OSMR: variants seen among roughly 807,000 people sequenced by gnomAD.
OSMR encodes the protein oncostatin M receptor, also known as oncostatin-M-specific receptor subunit beta.
A neutral mutation model predicts 99.9 loss-of-function variants in OSMR; 81 were observed. The observed-to-expected ratio is 0.81, with a 90% CI of 0.68 to 0.97. OSMR has a LOEUF of 0.97. Ranked by LOEUF, OSMR falls within the 50% of genes least tolerant of loss-of-function variation. The pLI, the probability that OSMR is intolerant of heterozygous loss-of-function variation, is 0.00. For synonymous variants in OSMR, 406 were observed against 410.4 expected, an observed-to-expected ratio of 0.99 and a Z score of 0.13; for missense variants, 1,099 against 1,153.4, an observed-to-expected ratio of 0.95 and a Z score of 0.68.
chr5:38,879,093 C>T (rs1259413028), intron 3 of OSMR, among the ~76,000 whole-genome samples: 1 of 152,190 alleles, frequency 6.6e-6, no homozygotes, highest in East Asian at 1.9e-4. Flanking sequence ...CGGGTTAGGC[C>T]TCACCTTCTC....
intron 1 of OSMR, chr5:38,942,479 T>C (rs546174640): frequency 1.4e-4 from 77 of 542,226 alleles, no homozygotes; most frequent in Non-Finnish European, 2.2e-4. Flanking sequence ...AGATAGGGTC[T>C]TGCTCAGTCT....
At chr5:38,875,590 A>C (rs1388835330) in intron 2 of OSMR, among the ~76,000 whole-genome samples, 1 of 152,212 alleles carries the variant, frequency 6.6e-6, no homozygotes, top group Non-Finnish European at 1.5e-5. Context: ...ATTTCATATG[A>C]GTTCATCATG....
intron 2 of OSMR, among the ~76,000 whole-genome samples, chr5:38,872,438 C>A (rs931990884): frequency 6.6e-6 from 1 of 152,154 alleles, no homozygotes; most frequent in African/African-American, 2.4e-5. Context: ...TGAGTCTCAA[C>A]CTTGTTTCAC....
intron 9 of OSMR, among the ~76,000 whole-genome samples, chr5:38,911,591 C>T (rs1041796374): frequency 6.6e-6 from 1 of 152,200 alleles, no homozygotes; most frequent in Non-Finnish European, 1.5e-5. Flanking sequence ...ACACTAAAAC[C>T]TGTCAGAGAC....
chr5:38,887,564 T>A lies in OSMR; in HGVS notation c.991+1374T>A, dbSNP rs1417657115. Among the ~76,000 whole-genome samples, 3 of 152,228 alleles carry A rather than the reference T, an allele frequency of 2.0e-5. No homozygotes were observed. In the East Asian group the frequency reaches 5.8e-4, roughly 29 times the overall value. ...TTCCACTGGTTGGTCTGTTTATTCC[T>A]GCACTAGTATTACACTAACTTTTAA... On this transcript the variant is annotated intron_variant, in intron 7 of 17. Transcript: ENST00000274276.
chr5:38,933,089 A>G lies in OSMR; in HGVS notation c.2585A>G (p.Asn862Ser). 6.2e-7 allele frequency: 1 copy of G among 1,614,168 alleles called. No individual in the cohort carries two copies. Among genetic ancestry groups the G allele is most frequent in the Non-Finnish European group, 8.5e-7 (1 of 1,180,024 alleles). Residue 862 changes from asparagine (N) to serine (S), a missense_variant, in exon 18 of 18, where the codon AAC becomes AGC. Physicochemically the swap from Asn to Ser is conservative, Grantham distance 46. Coordinates refer to ENST00000274276, the MANE Select transcript of OSMR (RefSeq NM_003999.3). ...ATCTGTTTTGAGAACTTGACCTATA[A>G]CCAGGCAGCTTCTGACTCTGGCTCT... Reference protein sequence around the residue: ...PCICFENLTYNQAASDSGSCG... With the variant: ...PCICFENLTYSQAASDSGSCG...
intron 7 of OSMR, among the ~76,000 whole-genome samples, chr5:38,891,090 A>G (rs1282121562): frequency 3.9e-5 from 6 of 152,220 alleles, no homozygotes; most frequent in Admixed American, 2.6e-4. Context: ...CACTATTTAC[A>G]ATATCTTTGT....
intron 7 of OSMR, among the ~76,000 whole-genome samples, chr5:38,894,821 A>C (rs1744394773): frequency 6.6e-6 from 1 of 152,080 alleles, no homozygotes; most frequent in Non-Finnish European, 1.5e-5. Flanking sequence ...CTAACAAAGA[A>C]ATTCTGGACT....
chr5:38,895,395 T>C (rs990959065), intron 7 of OSMR, among the ~76,000 whole-genome samples: 7 of 152,084 alleles, frequency 4.6e-5, no homozygotes, highest in Non-Finnish European at 7.4e-5. Context: ...ATCCATGATG[T>C]TGAGCACTTT....
intron 1 of OSMR, among the ~76,000 whole-genome samples, chr5:38,855,565 T>A (rs1740771372): frequency 6.6e-6 from 1 of 152,176 alleles, no homozygotes; most frequent in Admixed American, 6.5e-5. Context: ...TGTCACTTTG[T>A]CACCACCCCT....
intron 1 of OSMR, among the ~76,000 whole-genome samples, chr5:38,864,333 C>T (rs898435083): frequency 2.0e-5 from 3 of 152,010 alleles, no homozygotes; most frequent in Non-Finnish European, 4.4e-5. Context: ...ATTTGTGTGT[C>T]TGTTCTACCA....
intron 1 of OSMR, among the ~76,000 whole-genome samples, chr5:38,863,203 G>GGGAGGA (rs1741648245): frequency 1.4e-5 from 1 of 71,912 alleles, no homozygotes; most frequent in Non-Finnish European, 3.2e-5. Context: ...GAGGGGGAGG[G>GGGAGGA]GGAGGGGGAG....
chr5:38,869,090 C>A lies in OSMR; in HGVS notation c.46C>A (p.Leu16Met). ...VFQTTFFLTL[L>M]SLRTYQSEVL... Reference sequence around the variant, plus strand: ...TCAGACAACATTCTTCTTAACATTGCTGTCCTTGAGGACTTACCAGAGTGA... The same window carrying A: ...TCAGACAACATTCTTCTTAACATTGATGTCCTTGAGGACTTACCAGAGTGA... Residue 16 changes from leucine to methionine, a missense_variant, in exon 2 of 18, where the codon CTG (leucine) becomes ATG (methionine). By Grantham distance (15) the Leu-to-Met change is conservative. Coordinates refer to ENST00000274276, the MANE Select transcript of OSMR (RefSeq NM_003999.3). The A allele has an allele frequency of 6.2e-7, 1 of 1,613,118 alleles. No homozygotes were observed. Among genetic ancestry groups the A allele is most frequent in the East Asian group, 2.2e-5 (1 of 44,870 alleles).
chr5:38,883,661 T>C, intron 4 of OSMR, 166 bp from the exon 5 acceptor site: 1 of 982,668 alleles, frequency 1.0e-6, no homozygotes, highest in Non-Finnish European at 1.2e-6. Context: ...GAAAGGATTG[T>C]CTTGCATGCA....
downstream of OSMR, chr5:38,940,144 A>AC (rs1491190051): frequency 0.012 from 1,682 of 143,614 alleles, no homozygotes; most frequent in East Asian, 0.024. Flanking sequence ...AAAAAAAAAC[A>AC]AAAAAAAAAA....
chr5:38,901,705 T>C (rs961194636), intron 7 of OSMR, among the ~76,000 whole-genome samples: 5 of 152,050 alleles, frequency 3.3e-5, no homozygotes, highest in African/African-American at 1.2e-4. Flanking sequence ...TGCATGGAGG[T>C]TTTGGACATC....
In OSMR at chr5:38,924,363, A is replaced by G. The variant is rs577800605; in HGVS notation, c.1871-59A>G. The G allele has an allele frequency of 2.5e-5, 41 of 1,611,702 alleles. No individual in the cohort carries two copies. The African/African-American group carries it at 4.5e-4, about 18-fold the overall frequency. ...TATGGTTCTTCTATTAGTTGACATG[A>G]ATATTCTGAGACTGTTTCCAAATCA... On this transcript the variant is annotated intron_variant, in intron 13 of 17. Coordinates refer to ENST00000274276, the MANE Select transcript of OSMR (RefSeq NM_003999.3).
rs551964998 is a variant in OSMR, at chr5:38,880,470, G to A, written c.247-1123G>A. Among the ~76,000 whole-genome samples, 9 of 152,198 alleles carry A rather than the reference G, an allele frequency of 5.9e-5. No homozygotes were observed. In the East Asian group the frequency reaches 1.5e-3, roughly 26 times the overall value. ...AAGAGAACGTGGTTCCTGCTCCCTC[G>A]GGACCATGCTAGAGTCACAGCTGAT... On this transcript the variant is annotated intron_variant, in intron 3 of 17. Coordinates refer to ENST00000274276, the MANE Select transcript of OSMR (RefSeq NM_003999.3).
chr5:38,932,563 C>T, intron 17 of OSMR, 28 bp downstream of exon 17: 1 of 1,592,036 alleles, frequency 6.3e-7, no homozygotes, highest in South Asian at 1.1e-5. Flanking sequence ...GTATGTATAC[C>T]ATATACCTAT....
Sources: allele counts gnomAD v4.1 joint callset (sites outside exome capture counted in the v4.1 genomes callset), GRCh38; gene constraint gnomAD v4.1.1; transcripts MANE v1.5; gene names NCBI Gene and HGNC (gene_info 2026-07-23, HGNC 2026-07-21).